Variants in CC2D2B observed in about 807,000 individuals in gnomAD.
The protein encoded by CC2D2B is coiled-coil and C2 domain containing 2B.
Under a neutral mutation model 161.2 loss-of-function variants are expected in CC2D2B, and 128 were observed. That is an observed-to-expected ratio of 0.79 (90% CI 0.69 to 0.92). The LOEUF is 0.92. Among genes scored for constraint, CC2D2B ranks in the 40% least tolerant of loss-of-function variants. The pLI is 0.00. For missense variants in CC2D2B, 1,173 were observed against 1,375.1 expected, an observed-to-expected ratio of 0.85 and a Z score of 2.32; for synonymous variants, 391 against 449.8, an observed-to-expected ratio of 0.87 and a Z score of 1.65.
intron 10 of CC2D2B, chr10:95,950,676 A>C (rs1161724203): frequency 6.6e-6 from 1 of 152,214 alleles, no homozygotes; most frequent in Non-Finnish European, 1.5e-5. Flanking sequence ...CATTCAACTA[A>C]TGAATACATT....
rs2077809281 is a variant in CC2D2B, at chr10:95,988,262, C to G, written c.2299C>G (p.Gln767Glu). The change falls in exon 20 of 35, where the codon CAG (glutamine) becomes GAG (glutamate). Residue 767 changes from glutamine (Q) to glutamate (E), a missense_variant. Coordinates refer to ENST00000646931, the MANE Select transcript of CC2D2B (RefSeq NM_001349008.3). ...PDLVFQEYES[Q>E]KEKEVSVSDV... ...ATTCTGTATTTAGGAGTATGAAAGT[C>G]AGAAAGAGAAGGAGGTATCCGTTTC... The G allele has an allele frequency of 8.2e-7, 1 of 1,214,782 alleles. No homozygotes were observed. The highest frequency in any genetic ancestry group is 4.2e-5 in the Admixed American group (1 of 23,662). 75.3% of individuals were successfully genotyped at this position (1,214,782 alleles called of 1,614,324 possible). A position where few individuals can be genotyped will look rare whatever the true frequency, so the allele number is the denominator to read the frequency against.
Position 96,031,874 on chromosome 10 carries a change from G to C in CC2D2B, c.4180G>C (p.Ala1394Pro), listed in dbSNP as rs146800462. 6.2e-7 allele frequency: 1 copy of C among 1,613,728 alleles called. No individual in the cohort carries two copies. The highest frequency in any genetic ancestry group is 1.1e-5 in the South Asian group (1 of 91,058). The change falls in exon 35 of 35, where the codon GCT becomes CCT. Residue 1394 changes from alanine to proline, a missense_variant. This residue lies in a region of CC2D2B where 598 missense variants were observed against 693.2 expected (regional missense o/e 0.86). Coordinates refer to ENST00000646931, the MANE Select transcript of CC2D2B (RefSeq NM_001349008.3). ...CATTGATGTACAGTCAATTATTGAT[G>C]CTGTTTATCAAACTGGAATTCACTC... ...PYIDVQSIIDAVYQTGIHSAE... is the reference protein window; with the variant it reads ...PYIDVQSIIDPVYQTGIHSAE...
At chr10:95,988,589 A>C (rs540820611) in intron 20 of CC2D2B, among the ~76,000 whole-genome samples, 2 of 152,186 alleles carry the variant, frequency 1.3e-5, no homozygotes, top group African/African-American at 4.8e-5. Flanking sequence ...CATTTTAAAG[A>C]CTTCCCATCT....
At chr10:96,016,907 T>C (rs537047061) in intron 30 of CC2D2B, among the ~76,000 whole-genome samples, 78 of 152,136 alleles carry the variant, frequency 5.1e-4, no homozygotes, top group Middle Eastern at 3.4e-3. Flanking sequence ...TTAGTAGAGA[T>C]GGGGTTTCAT....
In CC2D2B at chr10:96,027,511, T is replaced by C. The variant is rs568629568; in HGVS notation, c.4125+122T>C. On this transcript the variant is annotated intron_variant, in intron 34 of 34. Transcript: ENST00000646931. ...TCTTGATCCTTAAAGATAGATGCTA[T>C]AGCATTAAAATACACTTACTGAAGA... is the stretch of plus-strand genomic sequence containing the variant. The C allele has an allele frequency of 1.5e-5, 10 of 654,408 alleles. No individual in the cohort carries two copies. The African/African-American group carries it at 1.9e-4, about 12-fold the overall frequency. The allele number at this position is 654,408 out of a possible 1,614,324, so 40.5% of individuals were successfully genotyped here.
chr10:96,027,465 ATATT>A (rs2079832693), intron 34 of CC2D2B, 76 bp downstream of exon 34: 1 of 1,082,960 alleles, frequency 9.2e-7, no homozygotes, highest in South Asian at 1.8e-5. Context: ...GCAGTCTTAA[ATATT>A]TCTGAAAGGC....
intron 2 of CC2D2B, chr10:95,920,038 C>G (rs1444421852): frequency 6.6e-6 from 1 of 151,064 alleles, no homozygotes; most frequent in East Asian, 2.0e-4. Context: ...CCTACCAAGC[C>G]TGGTTCTCTC....
intron 9 of CC2D2B, among the ~76,000 whole-genome samples, chr10:95,943,910 C>T (rs1374562969): frequency 1.3e-5 from 2 of 152,158 alleles, no homozygotes; most frequent in African/African-American, 2.4e-5. Flanking sequence ...GGATGATCAT[C>T]TTCATCCAAC....
chr10:96,008,949 C>T (rs1374488621), intron 25 of CC2D2B, among the ~76,000 whole-genome samples: 3 of 151,942 alleles, frequency 2.0e-5, no homozygotes, highest in Non-Finnish European at 2.9e-5. Flanking sequence ...TATTTTGCAA[C>T]TCTGTTTGTA....
At chr10:95,993,792 T>G (rs1001168461) in intron 22 of CC2D2B, among the ~76,000 whole-genome samples, 2 of 139,744 alleles carry the variant, frequency 1.4e-5, no homozygotes, top group African/African-American at 5.3e-5. Context: ...AGTATATATA[T>G]ATAGAGAGAG....
chr10:96,031,248 A>G (rs1398416841), intron 34 of CC2D2B, among the ~76,000 whole-genome samples: 1 of 152,230 alleles, frequency 6.6e-6, no homozygotes, highest in Non-Finnish European at 1.5e-5. Context: ...TCAAGGAAGG[A>G]CAGTGTGCTA....
intron 29 of CC2D2B, among the ~76,000 whole-genome samples, chr10:96,015,231 A>ATTTTTTTTTTTTTTTTTTTTTT: frequency 1.8e-5 from 2 of 111,332 alleles, no homozygotes; most frequent in Non-Finnish European, 3.5e-5. Context: ...GGCCCAGCTA[A>ATTTTTTTTTTTTTTTTTTTTTT]TTTTTTTTTT....
At chr10:95,983,077 T>C (rs2077590859) in intron 18 of CC2D2B, among the ~76,000 whole-genome samples, 1 of 152,144 alleles carries the variant, frequency 6.6e-6, no homozygotes, top group Non-Finnish European at 1.5e-5. Flanking sequence ...CAGCCTACTG[T>C]AGTTATTCAT....
At chr10:95,961,358 T>G (rs535392283) in intron 11 of CC2D2B, among the ~76,000 whole-genome samples, 1 of 152,180 alleles carries the variant, frequency 6.6e-6, no homozygotes, top group Admixed American at 6.5e-5. Context: ...TAAAACCCCA[T>G]CTCTACTAAA....
At chr10:96,003,956 C>T (rs918720342) in intron 24 of CC2D2B, among the ~76,000 whole-genome samples, 196 bp from the exon 25 acceptor site, 11 of 152,116 alleles carry the variant, frequency 7.2e-5, no homozygotes, top group Non-Finnish European at 1.5e-4. Context: ...TCTTAAGAGA[C>T]ATGTAAATTA....
At chr10:95,936,316 C>T (rs1296438107) in intron 6 of CC2D2B, among the ~76,000 whole-genome samples, 1 of 152,152 alleles carries the variant, frequency 6.6e-6, no homozygotes, top group Non-Finnish European at 1.5e-5. Flanking sequence ...AAGGAGAATG[C>T]TACTTCTTTT....
At chr10:95,955,881 C>T (rs2076552172) in intron 11 of CC2D2B, among the ~76,000 whole-genome samples, 1 of 152,046 alleles carries the variant, frequency 6.6e-6, no homozygotes, top group South Asian at 2.1e-4. Flanking sequence ...TTTAAGGACC[C>T]CTGTAAAAAG....
intron 32 of CC2D2B, chr10:96,022,592 G>C (rs761210296): frequency 4.6e-5 from 7 of 152,126 alleles, no homozygotes; most frequent in Admixed American, 6.5e-5. Context: ...ATGCCTCCTA[G>C]GGGGAGAATA....
At position 96,012,241 on chromosome 10, in the gene CC2D2B, T is replaced by C; in HGVS notation, c.3102T>C (p.Ser1034=). The stretch of plus-strand genomic sequence containing the variant: ...CAGTTTTGCTCGGGTATACTTGGAG[T>C]AATACTTATGTATTTCCTAAAGAAG... ...IPPVLLGYTW[S]NTYVFPKEDS... is the part of the protein sequence containing the mutation. Residue 1034 remains serine (S), a synonymous_variant, in exon 27 of 35, where the codon AGT becomes AGC. Coordinates refer to ENST00000646931, the MANE Select transcript of CC2D2B (RefSeq NM_001349008.3). 1 of 710,308 alleles carries C rather than the reference T, an allele frequency of 1.4e-6. No homozygotes were observed. The highest frequency in any genetic ancestry group is 2.6e-6 in the Non-Finnish European group (1 of 383,320). The allele number at this position is 710,308 out of a possible 1,614,324, so 44.0% of individuals were successfully genotyped here. A position where few individuals can be genotyped will look rare whatever the true frequency, so the allele number is the denominator to read the frequency against.
Sources: allele counts gnomAD v4.1 joint callset (sites outside exome capture counted in the v4.1 genomes callset), GRCh38; gene constraint gnomAD v4.1.1; regional missense constraint gnomAD v4.1.1; transcripts MANE v1.5; gene names NCBI Gene and HGNC (gene_info 2026-07-23, HGNC 2026-07-21).